The following TNKS variants were observed in gnomAD, a reference collection of about 807,000 sequenced individuals.
TNKS encodes tankyrase, also known as poly [ADP-ribose] polymerase tankyrase-1.
In TNKS, 72 loss-of-function variants were observed where a neutral mutation model predicts 135.8. That is an observed-to-expected ratio of 0.53 (90% confidence interval 0.44 to 0.64). The LOEUF (loss-of-function observed/expected upper bound fraction) is 0.64, where lower values mean the gene tolerates loss of function less well. TNKS is among the 30% of genes least tolerant of loss of function. The probability of loss-of-function intolerance (pLI) is 0.00; values close to 1 mark genes in which losing one functional copy is unlikely to be tolerated. For missense variants in TNKS, 1,769 were observed against 1,674.0 expected, an observed-to-expected ratio of 1.06 and a Z score of -0.99; for synonymous variants, 849 against 649.3, an observed-to-expected ratio of 1.31 and a Z score of -4.68.
At chr8:9,661,220 T>C (rs1203096724) in intron 3 of TNKS, among the ~76,000 whole-genome samples, 1 of 152,020 alleles carries the variant, frequency 6.6e-6, no homozygotes, top group Non-Finnish European at 1.5e-5. Context: ...CTTCACAGAA[T>C]TGGAAACAAC....
chr8:9,766,167 C>T (rs1254473590), intron 24 of TNKS, 72 bp from the exon 25 acceptor site: 4 of 1,299,764 alleles, frequency 3.1e-6, no homozygotes, highest in Non-Finnish European at 4.3e-6. Flanking sequence ...CTGCCCGATG[C>T]AAATAGTGTG....
At chr8:9,626,810 A>G (rs1015861345) in intron 3 of TNKS, among the ~76,000 whole-genome samples, 17 of 152,210 alleles carry the variant, frequency 1.1e-4, no homozygotes, top group South Asian at 6.2e-4. Context: ...GGAATGCTAT[A>G]GTATTTATTA....
chr8:9,588,774 G>C (rs938447158), intron 2 of TNKS, among the ~76,000 whole-genome samples: 6 of 152,136 alleles, frequency 3.9e-5, no homozygotes, highest in African/African-American at 1.4e-4. Context: ...ATTTATAAAG[G>C]TTTACTGTGT....
chr8:9,736,058 A>G (rs1010070164), intron 17 of TNKS, among the ~76,000 whole-genome samples: 1 of 141,754 alleles, frequency 7.1e-6, no homozygotes, highest in Non-Finnish European at 1.5e-5. Flanking sequence ...ATGGGTGCTC[A>G]GTTTATATTT....
At position 9,777,048 on chromosome 8, in the gene TNKS, C is replaced by A; in HGVS notation, c.*312C>A. On this transcript the variant is annotated 3_prime_UTR_variant, in exon 27 of 27. Transcript: ENST00000310430. ...ACTTGGAAATGGAAAATAAGAAAAC[C>A]AATGCTTTTTCAAATGTTCACAATT... The A allele has an allele frequency of 3.2e-6, 1 of 317,126 alleles. No homozygotes were observed. The highest frequency in any genetic ancestry group is 5.9e-6 in the Non-Finnish European group (1 of 169,804). The allele number at this position is 317,126 out of a possible 1,614,324, so 19.6% of individuals were successfully genotyped here.
chr8:9,692,102 G>T (rs1803301943), intron 5 of TNKS, among the ~76,000 whole-genome samples: 1 of 151,982 alleles, frequency 6.6e-6, no homozygotes, highest in Non-Finnish European at 1.5e-5. Context: ...TTACAGGTTT[G>T]TTGCTTGGGT....
chr8:9,759,156 G>A (rs1180792962), intron 20 of TNKS, among the ~76,000 whole-genome samples: 1 of 152,200 alleles, frequency 6.6e-6, no homozygotes, highest in Non-Finnish European at 1.5e-5. Flanking sequence ...CACTAGGCCA[G>A]CCTGCACTCC....
chr8:9,611,476 TTTATA>T (rs1321742216), intron 2 of TNKS, among the ~76,000 whole-genome samples: 2 of 152,228 alleles, frequency 1.3e-5, no homozygotes, highest in East Asian at 1.9e-4. Flanking sequence ...AAAAATCTGT[TTTATA>T]TTAGTGTGCT....
rs569524001 is a variant in TNKS at position 9,710,292 on chromosome 8, C to G, written c.1749+72C>G. 17 of 1,416,228 alleles carry G rather than the reference C, an allele frequency of 1.2e-5. No homozygotes were observed. The African/African-American group carries it at 1.6e-4, about 13-fold the overall frequency. 87.7% of individuals were successfully genotyped at this position (1,416,228 alleles called of 1,614,324 possible). On this transcript the variant is annotated intron_variant, in intron 11 of 26. Transcript: ENST00000310430. ...CAGCTGCTCTTAACACTGCTTCTCT[C>G]TCTCCGATTTTTCTGAAGAAACTAA... is the stretch of plus-strand genomic sequence containing the variant.
intron 12 of TNKS, among the ~76,000 whole-genome samples, chr8:9,725,014 T>C (rs957788563): frequency 6.6e-6 from 1 of 152,222 alleles, no homozygotes; most frequent in African/African-American, 2.4e-5. Context: ...AAACTAAAAA[T>C]ATTACCTGTA....
intron 17 of TNKS, among the ~76,000 whole-genome samples, chr8:9,745,083 GCT>G (rs766904812): frequency 9.5e-4 from 144 of 152,264 alleles, no homozygotes; most frequent in Middle Eastern, 3.4e-3. Context: ...AGTTTAAGTA[GCT>G]TGTAACCTCA....
intron 2 of TNKS, among the ~76,000 whole-genome samples, chr8:9,598,879 C>T (rs150417965): frequency 3.7e-5 from 5 of 135,696 alleles, no homozygotes; most frequent in East Asian, 4.5e-4. Flanking sequence ...CTAGTAAGTC[C>T]GTGAGGCCTT....
At chr8:9,612,902 T>G (rs1223184807) in intron 2 of TNKS, among the ~76,000 whole-genome samples, 1 of 152,194 alleles carries the variant, frequency 6.6e-6, no homozygotes, top group Non-Finnish European at 1.5e-5. Context: ...TAAAGCAAGC[T>G]AGAGAAAAGA....
At position 9,726,651 on chromosome 8, in the gene TNKS, T is replaced by A; in HGVS notation, c.1932T>A (p.Pro644=). The A allele has an allele frequency of 1.2e-6, 2 of 1,612,858 alleles. No homozygotes were observed. The highest frequency in any genetic ancestry group is 1.7e-6 in the Non-Finnish European group (2 of 1,179,294). ...CTTCCTTTTATGCAGAGAGTACACC[T>A]ATACGTACTTCTGATGTTGATTATC... The part of the protein sequence containing the change: ...AVQQILSEST[P]IRTSDVDYRL... Residue 644 remains proline, a synonymous_variant, in exon 13 of 27, where the codon CCT becomes CCA. Coordinates refer to ENST00000310430, the MANE Select transcript of TNKS (RefSeq NM_003747.3).
Position 9,744,309 on chromosome 8 carries a change from A to G in TNKS, c.2644-3715A>G, listed in dbSNP as rs567543988. 2.0e-3 allele frequency among the ~76,000 whole-genome samples: 303 copies of G among 152,302 alleles called. 1 individual carries two copies. Among genetic ancestry groups the G allele is most frequent in the African/African-American group, 6.9e-3 (286 of 41,554 alleles). ...TTATTACCACAAAGCATGTAAATTT[A>G]TATCTTATAAGAGTAAATCAATTGA... On this transcript the variant is annotated intron_variant, in intron 17 of 26. Transcript: ENST00000310430.
In TNKS at chr8:9,556,074, A is replaced by C; in HGVS notation, c.135A>C (p.Pro45=). ...LSPGLAPGTT[P]ASPTASGLAP... ...CTGGCCTGGCCCCGGGGACCACCCC[A>C]GCCTCTCCCACGGCCAGCGGCCTGG... Residue 45 remains proline (P), a synonymous_variant, in exon 1 of 27, where the codon CCA becomes CCC. Transcript: ENST00000310430. 4 of 1,606,716 alleles carry C rather than the reference A, an allele frequency of 2.5e-6. No homozygotes were observed. The highest frequency in any genetic ancestry group is 3.4e-6 in the Non-Finnish European group (4 of 1,177,206).
chr8:9,756,781 A>C (rs1424337274), intron 20 of TNKS, among the ~76,000 whole-genome samples: 1 of 152,096 alleles, frequency 6.6e-6, no homozygotes, highest in Non-Finnish European at 1.5e-5. Context: ...CTGTAAATAC[A>C]GTTCTCCAGT....
intron 3 of TNKS, among the ~76,000 whole-genome samples, chr8:9,618,378 T>C (rs1208395517): frequency 6.6e-6 from 1 of 152,156 alleles, no homozygotes; most frequent in Non-Finnish European, 1.5e-5. Flanking sequence ...ACATGGCCAT[T>C]GGTTTTGGAT....
intron 14 of TNKS, among the ~76,000 whole-genome samples, chr8:9,732,844 A>G (rs1016311464): frequency 2.5e-4 from 38 of 152,286 alleles, no homozygotes; most frequent in South Asian, 6.2e-4. Context: ...TGGCACCTCA[A>G]TATTTACACC....
Sources: allele counts gnomAD v4.1 joint callset (sites outside exome capture counted in the v4.1 genomes callset), GRCh38; gene constraint gnomAD v4.1.1; transcripts MANE v1.5; gene names NCBI Gene and HGNC (gene_info 2026-07-23, HGNC 2026-07-21).